The following TUBB8B variants were observed in gnomAD, a reference collection of about 807,000 sequenced individuals.
TUBB8B encodes HSA18p11 beta-tubulin 4Q pseudogene.
A neutral mutation model predicts 31.9 loss-of-function variants in TUBB8B; 26 were observed. The observed-to-expected ratio is 0.81, with a 90% CI of 0.60 to 1.13. The LOEUF (loss-of-function observed/expected upper bound fraction) is 1.13. TUBB8B is among the 50% of genes most tolerant of loss of function. The pLI is 0.00. For synonymous variants in TUBB8B, 173 were observed against 231.0 expected (o/e 0.75, Z 2.28); for missense variants, 467 against 586.7 (o/e 0.80, Z 2.11).
the TUBB8B span, among the ~76,000 whole-genome samples, chr18:69,245 C>A: frequency 2.0e-5 from 3 of 152,308 alleles, no homozygotes; most frequent in South Asian, 2.1e-4. Context: ...GTAATCCCAG[C>A]ACTTTGCGGG....
chr18:66,016 C>T, the TUBB8B span, among the ~76,000 whole-genome samples: 1 of 152,080 alleles, frequency 6.6e-6, no homozygotes, highest in Non-Finnish European at 1.5e-5. Flanking sequence ...ATCTTTTGAA[C>T]CCAGGAGTTT....
the TUBB8B span, among the ~76,000 whole-genome samples, chr18:56,400 T>C: frequency 5.9e-5 from 9 of 151,804 alleles, no homozygotes; most frequent in Non-Finnish European, 1.3e-4. Context: ...AATGTATAGA[T>C]TGCTTTGGAT....
At chr18:63,639 C>A in the TUBB8B span, among the ~76,000 whole-genome samples, 1 of 150,662 alleles carries the variant, frequency 6.6e-6, no homozygotes, top group Non-Finnish European at 1.5e-5. Context: ...CTAACCCTAA[C>A]CCCAAACCCT....
the TUBB8B span, among the ~76,000 whole-genome samples, chr18:63,800 C>T: frequency 2.0e-5 from 3 of 149,098 alleles, no homozygotes; most frequent in East Asian, 6.0e-4. Context: ...AACCGTTACG[C>T]TAACCCTAAC....
rs1905892119 is a variant in TUBB8B at position 48,926 on chromosome 18, C to T, written c.277+14G>A. On this transcript the variant is annotated intron_variant, in intron 3 of 3. Coordinates refer to ENST00000308911, the MANE Select transcript of TUBB8B (RefSeq NM_001358689.2). ...GGCTAAGGAGCCGCACCCCAGTCCT[C>T]GCCCGCAGCTCACCGGAAATGAAGT... 6.5e-7 allele frequency: 1 copy of T among 1,533,922 alleles called. No individual in the cohort carries two copies.
At chr18:58,049 C>G in the TUBB8B span, among the ~76,000 whole-genome samples, 1 of 151,656 alleles carries the variant, frequency 6.6e-6, no homozygotes, top group African/African-American at 2.4e-5. Context: ...ATCCCAGAAA[C>G]TATTCTCTTC....
In TUBB8B at chr18:47,534, C is replaced by A. The variant is rs1176276012; in HGVS notation, c.1191G>T (p.Trp397Cys). The stretch of plus-strand genomic sequence containing the variant: ...TCTCATCCATGCCCTCGCCCGTGTA[C>A]CAGTGGAGGAAGGCCTTGCGCCTGA... ...AMFRRKAFLH[W>C]YTGEGMDEME... Residue 397 changes from tryptophan to cysteine, a missense_variant, in exon 4 of 4, where the codon TGG (tryptophan) becomes TGT (cysteine). Physicochemically the swap from Trp to Cys is radical, Grantham distance 215. Transcript: ENST00000308911. 6.2e-7 allele frequency: 1 copy of A among 1,608,076 alleles called. No homozygotes were observed.
At chr18:49,912 T>G (rs1440952377), upstream of TUBB8B, 6 of 489,766 alleles carry the variant, frequency 1.2e-5, no homozygotes, top group Non-Finnish European at 2.4e-5. Flanking sequence ...TGTTTCCATA[T>G]GCACGGAGTG....
At chr18:58,625 C>G in the TUBB8B span, among the ~76,000 whole-genome samples, 12 of 151,856 alleles carry the variant, frequency 7.9e-5, 1 homozygote, top group South Asian at 6.2e-4. Context: ...TTAAGAAAAT[C>G]TCAACTTTCC....
the TUBB8B span, among the ~76,000 whole-genome samples, chr18:66,850 G>T: frequency 9.2e-5 from 14 of 152,170 alleles, no homozygotes; most frequent in African/African-American, 3.4e-4. Flanking sequence ...TCTGTAGGTG[G>T]CTTTGTGTAG....
chr18:51,598 C>T (rs569573433), upstream of TUBB8B, among the ~76,000 whole-genome samples: 81 of 152,106 alleles, frequency 5.3e-4, 1 homozygote, highest in Non-Finnish European at 1.0e-3. Flanking sequence ...CACCACCATG[C>T]CTGTCTAATT....
chr18:72,191 A>AG, the TUBB8B span, among the ~76,000 whole-genome samples: 1 of 137,128 alleles, frequency 7.3e-6, no homozygotes, highest in Admixed American at 7.4e-5. Flanking sequence ...AAAAAAAAAA[A>AG]AAAAAAAAGG....
At chr18:49,719 G>T (rs1600578244), upstream of TUBB8B, 48 of 696,538 alleles carry the variant, frequency 6.9e-5, 2 homozygotes, top group South Asian at 6.9e-4. Flanking sequence ...CCACACAGGT[G>T]CACCCACCTG....
In TUBB8B at chr18:49,206, A is replaced by C; in HGVS notation, c.89T>G (p.Ile30Ser). The stretch of plus-strand genomic sequence containing the variant: ...CCCGTGGTAGGTGCCAGCGGAGTCG[A>C]TGGCATGTTCATCAGAGATCACCTC... ...FWEVISDEHA[I>S]DSAGTYHGDS... Residue 30 changes from isoleucine (I) to serine (S), a missense_variant, in exon 2 of 4, where the codon ATC (isoleucine) becomes AGC (serine). Around this residue, in one of 2 missense-constraint regions of TUBB8B, gnomAD observed 259 missense variants for 380.1 expected, o/e 0.68. Transcript: ENST00000308911. The C allele has an allele frequency of 6.5e-7, 1 of 1,538,716 alleles. No homozygotes were observed. Among genetic ancestry groups the C allele is most frequent in the South Asian group, 1.2e-5 (1 of 84,374 alleles).
the TUBB8B span, among the ~76,000 whole-genome samples, chr18:68,330 A>G: frequency 6.6e-6 from 1 of 152,164 alleles, no homozygotes; most frequent in Non-Finnish European, 1.5e-5. Flanking sequence ...GCTAACCACC[A>G]CGTAACTCCC....
chr18:51,185 T>A (rs55938406), upstream of TUBB8B, among the ~76,000 whole-genome samples: 35,254 of 149,968 alleles, frequency 0.24, 4,519 homozygotes, highest in East Asian at 0.49. Flanking sequence ...TAAAACAACT[T>A]GCATCTGTTA....
the TUBB8B span, among the ~76,000 whole-genome samples, chr18:57,537 C>G: frequency 6.6e-6 from 1 of 151,768 alleles, no homozygotes; most frequent in Non-Finnish European, 1.5e-5. Flanking sequence ...TCAGCCCCCA[C>G]AGCTGCTCTC....
At chr18:63,480 T>G in the TUBB8B span, among the ~76,000 whole-genome samples, 1 of 150,856 alleles carries the variant, frequency 6.6e-6, no homozygotes, top group East Asian at 1.9e-4. Context: ...GGAGCTGGAG[T>G]TGGGGTAATA....
At chr18:53,494 G>C (rs1469897370), upstream of TUBB8B, among the ~76,000 whole-genome samples, 1 of 151,816 alleles carries the variant, frequency 6.6e-6, no homozygotes, top group Non-Finnish European at 1.5e-5. Flanking sequence ...TTTTGAGACA[G>C]AGTCTTGCTC....
Sources: gnomAD v4.1 joint callset for allele counts (sites outside exome capture counted in the v4.1 genomes callset) on GRCh38, gnomAD v4.1.1 for gene constraint, gnomAD v4.1.1 regional missense constraint, MANE v1.5 for transcripts, NCBI Gene and HGNC (gene_info 2026-07-23, HGNC 2026-07-21) for gene names.